FADS3: variants seen among roughly 807,000 people sequenced by gnomAD.
FADS3 encodes fatty acid desaturase 3, also known as cytochrome b5-related protein.
Under a neutral mutation model 60.4 loss-of-function variants are expected in FADS3, and 30 were observed. That is an observed-to-expected ratio of 0.50 (90% CI 0.37 to 0.67). The LOEUF (loss-of-function observed/expected upper bound fraction) is 0.67, where lower values mean the gene tolerates loss of function less well. FADS3 is among the 30% of genes least tolerant of loss of function. FADS3 has a pLI of 0.00. For missense variants in FADS3, 432 were observed against 598.3 expected (o/e 0.72, Z 2.90); for synonymous variants, 234 against 249.3 (o/e 0.94, Z 0.58).
At position 61,877,744 on chromosome 11, in the gene FADS3, C is replaced by G. The variant is rs1937962298; in HGVS notation, c.809-157G>C. 1.5e-6 allele frequency: 1 copy of G among 681,402 alleles called. No individual in the cohort carries two copies. The highest frequency in any genetic ancestry group is 1.8e-5 in the African/African-American group (1 of 56,418). The allele number at this position is 681,402 out of a possible 1,614,324, so 42.2% of individuals were successfully genotyped here. ...CCCCATATCACCCCCAATTCTGTGT[C>G]CAAGCCTCCCCAGGCTGCCCTTACC... On this transcript the variant is annotated intron_variant, in intron 6 of 11. Transcript: ENST00000278829. This position sits in a 1 kb window ranked among gnomAD's most constrained non-coding sequence, Gnocchi z 4.7.
chr11:61,889,755 G>A lies in FADS3; in HGVS notation c.213+1414C>T, dbSNP rs181471724. Among the ~76,000 whole-genome samples the A allele has an allele frequency of 4.6e-5, 7 of 152,310 alleles. No homozygotes were observed. The South Asian group carries it at 6.2e-4, about 14-fold the overall frequency. On this transcript the variant is annotated intron_variant, in intron 1 of 11. Transcript: ENST00000278829. ...TCATGCCTGTAATCCCAGAACTTTC[G>A]GAGGCTGAGGCAGGAGGAATGCTTG...
At chr11:61,874,182 C>T (rs376099766) in intron 11 of FADS3, among the ~76,000 whole-genome samples, 2 of 152,200 alleles carry the variant, frequency 1.3e-5, no homozygotes, top group Admixed American at 1.3e-4. Context: ...TCCTGCTGGG[C>T]GCTGCAACCC....
chr11:61,889,777 C>T (rs949951446), intron 1 of FADS3, among the ~76,000 whole-genome samples: 8 of 152,200 alleles, frequency 5.3e-5, no homozygotes, highest in Non-Finnish European at 8.8e-5. Context: ...AGGAGGAATG[C>T]TTGAACCCAG....
chr11:61,889,236 A>G (rs1349712802), intron 1 of FADS3, among the ~76,000 whole-genome samples: 2 of 152,218 alleles, frequency 1.3e-5, no homozygotes, highest in Non-Finnish European at 2.9e-5. Context: ...CTGCGAATCA[A>G]TGAGAAAACT....
rs763063722 is a variant in FADS3 at position 61,873,760 on chromosome 11, G to C, written c.*54C>G. 7.0e-7 allele frequency: 1 copy of C among 1,420,150 alleles called. No individual in the cohort carries two copies. Among genetic ancestry groups the C allele is most frequent in the Non-Finnish European group, 9.8e-7 (1 of 1,015,790 alleles). The allele number at this position is 1,420,150 out of a possible 1,614,324, so 88.0% of individuals were successfully genotyped here. On this transcript the variant is annotated 3_prime_UTR_variant, in exon 12 of 12. Transcript: ENST00000278829. ...GGTGAGGGTATCGATCCCGCCGGGG[G>C]CTGGCTTGGTTGCTGGTGCCCTGAG...
intron 1 of FADS3, among the ~76,000 whole-genome samples, chr11:61,889,127 C>T (rs1029427534): frequency 1.1e-4 from 17 of 151,618 alleles, no homozygotes; most frequent in African/African-American, 4.1e-4. Context: ...AAACTCCCGA[C>T]CTCAGGTGAT....
In FADS3 at chr11:61,877,767, A is replaced by C. The variant is rs1591192208; in HGVS notation, c.809-180T>G. On this transcript the variant is annotated intron_variant, in intron 6 of 11. Coordinates refer to ENST00000278829, the MANE Select transcript of FADS3 (RefSeq NM_021727.5). The surrounding 1 kb of genome is among the most constrained non-coding windows in gnomAD (Gnocchi z 4.7). ...GTCCAAGCCTCCCCAGGCTGCCCTT[A>C]CCCCACCACCTCCCACCACCCTTCA... 1.6e-6 allele frequency: 1 copy of C among 622,086 alleles called. No individual in the cohort carries two copies. The highest frequency in any genetic ancestry group is 2.9e-6 in the Non-Finnish European group (1 of 350,330). The allele number at this position is 622,086 out of a possible 1,614,324, so 38.5% of individuals were successfully genotyped here. A position where few individuals can be genotyped will look rare whatever the true frequency, so the allele number is the denominator to read the frequency against.
chr11:61,873,987 T>C (rs1206652248), intron 11 of FADS3, 122 bp from the exon 12 acceptor site: 2 of 624,274 alleles, frequency 3.2e-6, no homozygotes, highest in African/African-American at 1.9e-5. Context: ...TTCCCTTCCC[T>C]GGGGGCAGGC....
At chr11:61,887,476 C>T (rs534094877) in intron 1 of FADS3, among the ~76,000 whole-genome samples, 20 of 152,292 alleles carry the variant, frequency 1.3e-4, no homozygotes, top group African/African-American at 4.8e-4. Context: ...CTCTCTGGGG[C>T]TCCCCATCCT....
intron 2 of FADS3, 101 bp from the exon 3 acceptor site, chr11:61,879,610 G>A (rs1938049330): frequency 3.4e-6 from 4 of 1,178,174 alleles, no homozygotes; most frequent in Non-Finnish European, 4.8e-6. Context: ...CCCAAGGGGT[G>A]TGGGCAAAGA....
rs201936141 is a variant in FADS3, at chr11:61,876,340, C to T, written c.1080+19G>A. Reference sequence around the variant, plus strand: ...GACCCCCCACCCCACCCAGGATGGGCCCCACCCCTGCTGCCCACCTGAGAG... The same window carrying T: ...GACCCCCCACCCCACCCAGGATGGGTCCCACCCCTGCTGCCCACCTGAGAG... On this transcript the variant is annotated intron_variant, in intron 9 of 11. Coordinates refer to ENST00000278829, the MANE Select transcript of FADS3 (RefSeq NM_021727.5). This position sits in a 1 kb window ranked among gnomAD's most constrained non-coding sequence, Gnocchi z 5.7. 25 of 1,599,188 alleles carry T rather than the reference C, an allele frequency of 1.6e-5. No homozygotes were observed. In the Admixed American group the frequency reaches 2.7e-4, roughly 17 times the overall value.
intron 11 of FADS3, among the ~76,000 whole-genome samples, chr11:61,874,530 C>T (rs1937797159): frequency 6.6e-6 from 1 of 152,218 alleles, no homozygotes; most frequent in African/African-American, 2.4e-5. Context: ...GCAGTGTCCT[C>T]TGCTCTCCTT....
At chr11:61,878,937 A>AC (rs1341474620) in intron 3 of FADS3, 90 bp from the exon 4 acceptor site, 1 of 1,025,616 alleles carries the variant, frequency 9.8e-7, no homozygotes, top group African/African-American at 1.6e-5. Context: ...CTTGCAGGGT[A>AC]CCCCCGTGCT....
At chr11:61,874,478 G>T (rs1937795477) in intron 11 of FADS3, among the ~76,000 whole-genome samples, 1 of 152,196 alleles carries the variant, frequency 6.6e-6, no homozygotes, top group Admixed American at 6.5e-5. Context: ...CCTCCAAGGT[G>T]ACCACAAGGG....
chr11:61,882,212 G>A (rs2135996985), intron 1 of FADS3: 1 of 150,102 alleles, frequency 6.7e-6, no homozygotes, highest in Non-Finnish European at 1.5e-5. Context: ...CCGGGCTCAG[G>A]TGATCCTCCC....
At chr11:61,879,593 C>T (rs1192144654) in intron 2 of FADS3, 84 bp from the exon 3 acceptor site, 24 of 1,344,422 alleles carry the variant, frequency 1.8e-5, no homozygotes, top group African/African-American at 7.2e-5. Flanking sequence ...CTCCTCCCAT[C>T]GCCAGGCCCA....
chr11:61,889,245 CTG>C (rs1240029953), intron 1 of FADS3, among the ~76,000 whole-genome samples: 3 of 152,070 alleles, frequency 2.0e-5, no homozygotes, highest in Non-Finnish European at 4.4e-5. Context: ...AATGAGAAAA[CTG>C]TGTGATGGAA....
rs1187175193 is a variant in FADS3 at position 61,880,058 on chromosome 11, G to T, written c.307C>A (p.Gln103Lys). The change falls in exon 2 of 12, where the codon CAG (glutamine) becomes AAG (lysine). Residue 103 changes from glutamine to lysine, a missense_variant. Coordinates refer to ENST00000278829, the MANE Select transcript of FADS3 (RefSeq NM_021727.5). Reference sequence around the variant, plus strand: ...TGGCTCACATTCAGGGGTCCATCCTGGCTGGGTTCTTCCGGAGCCAGCTCT... The same window carrying T: ...TGGCTCACATTCAGGGGTCCATCCTTGCTGGGTTCTTCCGGAGCCAGCTCT... ...IGELAPEEPSQDGPLNAQLVE... is the reference protein window; with the variant it reads ...IGELAPEEPSKDGPLNAQLVE... The T allele has an allele frequency of 1.2e-6, 2 of 1,613,764 alleles. No individual in the cohort carries two copies. The highest frequency in any genetic ancestry group is 1.7e-6 in the Non-Finnish European group (2 of 1,179,808).
Position 61,877,106 on chromosome 11 carries a change from G to T in FADS3, c.886-143C>A. ...CCCAGGACAGGCCACCACCCTCTCT[G>T]GTTTTCTCAGCTGAGTAAAGGAACA... On this transcript the variant is annotated intron_variant, in intron 7 of 11. Coordinates refer to ENST00000278829, the MANE Select transcript of FADS3 (RefSeq NM_021727.5). The surrounding 1 kb of genome is among the most constrained non-coding windows in gnomAD (Gnocchi z 4.7). The T allele has an allele frequency of 1.7e-6, 1 of 598,294 alleles. No homozygotes were observed. The highest frequency in any genetic ancestry group is 2.1e-5 in the South Asian group (1 of 48,436). 37.1% of individuals were successfully genotyped at this position (598,294 alleles called of 1,614,324 possible).
Sources: gnomAD v4.1 joint callset for allele counts (sites outside exome capture counted in the v4.1 genomes callset) on GRCh38, gnomAD v4.1.1 for gene constraint, Gnocchi (gnomAD v3.1) non-coding constraint, MANE v1.5 for transcripts, NCBI Gene and HGNC (gene_info 2026-07-23, HGNC 2026-07-21) for gene names.